Variants in RIMS1 observed in about 807,000 individuals in gnomAD.
RIMS1 encodes the protein regulating synaptic membrane exocytosis protein 1.
In RIMS1, 83 loss-of-function variants were observed where a neutral mutation model predicts 214.1. That is an observed-to-expected ratio of 0.39 (90% CI 0.32 to 0.47). The LOEUF (loss-of-function observed/expected upper bound fraction) is 0.47. Ranked by LOEUF, RIMS1 falls within the 20% of genes least tolerant of loss-of-function variation. The pLI is 0.99. For missense variants in RIMS1, 2,050 were observed against 2,161.8 expected (o/e 0.95, Z 1.03); for synonymous variants, 793 against 786.8 (o/e 1.01, Z -0.13).
intron 6 of RIMS1, among the ~76,000 whole-genome samples, chr6:72,189,522 C>G (rs755363504): frequency 6.6e-6 from 1 of 152,250 alleles, no homozygotes; most frequent in Non-Finnish European, 1.5e-5. Context: ...GAGTAAGTGT[C>G]TGTTCCAGTA....
intron 1 of RIMS1, among the ~76,000 whole-genome samples, chr6:71,890,725 C>A (rs1769556041): frequency 6.6e-6 from 1 of 151,926 alleles, no homozygotes; most frequent in South Asian, 2.1e-4. Flanking sequence ...ATTTATTGAA[C>A]ATTAACCTCA....
Position 72,313,549 on chromosome 6 carries a change from C to G in RIMS1, c.4007C>G (p.Ser1336Cys), listed in dbSNP as rs1261478393. The G allele has an allele frequency of 1.2e-6, 2 of 1,613,802 alleles. No individual in the cohort carries two copies. The highest frequency in any genetic ancestry group is 1.7e-5 in the Admixed American group (1 of 59,982). ...KDQYRSCDNV[S>C]AKSSDSDVSD... ...CAGTACAGAAGCTGTGATAACGTCTCTGCCAAATCATCAGATAGTGATGTC... is the reference window on the plus strand; with the variant it reads ...CAGTACAGAAGCTGTGATAACGTCTGTGCCAAATCATCAGATAGTGATGTC... Residue 1336 changes from serine to cysteine, a missense_variant, in exon 28 of 34, where the codon TCT becomes TGT. Around this residue, in one of 6 missense-constraint regions of RIMS1, gnomAD observed 889 missense variants for 885.5 expected, o/e 1.00. Transcript: ENST00000521978.
intron 29 of RIMS1, among the ~76,000 whole-genome samples, chr6:72,377,128 C>G (rs2098404428): frequency 6.6e-6 from 1 of 152,160 alleles, no homozygotes; most frequent in African/African-American, 2.4e-5. Context: ...ATTTAGAATT[C>G]TCAGGCTCTC....
intron 1 of RIMS1, among the ~76,000 whole-genome samples, chr6:71,934,487 T>A (rs750912335): frequency 6.6e-6 from 1 of 152,226 alleles, no homozygotes; most frequent in Non-Finnish European, 1.5e-5. Context: ...TGTTTTTAGG[T>A]TGTAATGTTA....
chr6:72,373,004 G>T (rs1220673687), intron 29 of RIMS1, among the ~76,000 whole-genome samples: 4 of 152,174 alleles, frequency 2.6e-5, no homozygotes, highest in Non-Finnish European at 5.9e-5. Flanking sequence ...TTTATCTACA[G>T]TAAAGGTCAA....
chr6:72,183,107 T>G lies in RIMS1; in HGVS notation c.1636T>G (p.Cys546Gly). 1 of 1,591,632 alleles carries G rather than the reference T, an allele frequency of 6.3e-7. No individual in the cohort carries two copies. Among genetic ancestry groups the G allele is most frequent in the East Asian group, 2.3e-5 (1 of 43,912 alleles). Residue 546 changes from cysteine (C) to glycine (G), a missense_variant, in exon 6 of 34, where the codon TGC (cysteine) becomes GGC (glycine). By Grantham distance (159) the Cys-to-Gly change is radical. Around this residue, in one of 6 missense-constraint regions of RIMS1, gnomAD observed 882 missense variants for 828.9 expected, o/e 1.06. Coordinates refer to ENST00000521978, the MANE Select transcript of RIMS1 (RefSeq NM_014989.7). ...EGVSTPEYTS[C>G]EDVELESESV... The stretch of plus-strand genomic sequence containing the variant: ...CGTGTCGACGCCCGAGTACACCAGC[T>G]GCGAGGACGTGGAGCTGGAGAGCGA...
chr6:71,887,458 CG>C (rs1444030341), intron 1 of RIMS1, among the ~76,000 whole-genome samples: 1 of 151,950 alleles, frequency 6.6e-6, no homozygotes, highest in Non-Finnish European at 1.5e-5. Context: ...GATGGGTGGA[CG>C]GGGGCCACGC....
At chr6:71,971,088 C>T (rs1795734701) in intron 2 of RIMS1, among the ~76,000 whole-genome samples, 1 of 151,972 alleles carries the variant, frequency 6.6e-6, no homozygotes, top group South Asian at 2.1e-4. Flanking sequence ...TAGGACAGAA[C>T]TTAGATTTCT....
chr6:72,145,389 T>C (rs993839512), intron 4 of RIMS1, among the ~76,000 whole-genome samples: 1 of 152,056 alleles, frequency 6.6e-6, no homozygotes, highest in Non-Finnish European at 1.5e-5. Flanking sequence ...CTGAGGCAGG[T>C]GGTCCACAAG....
chr6:71,973,947 C>T (rs1796526158), intron 2 of RIMS1, among the ~76,000 whole-genome samples: 1 of 151,518 alleles, frequency 6.6e-6, no homozygotes. Flanking sequence ...GTAGATAGAG[C>T]AAGGGGGCAC....
chr6:72,277,081 A>G (rs2086836686), intron 23 of RIMS1, among the ~76,000 whole-genome samples: 1 of 152,212 alleles, frequency 6.6e-6, no homozygotes, highest in Non-Finnish European at 1.5e-5. Flanking sequence ...CAGAACGTAA[A>G]TTATTCCTTA....
intron 5 of RIMS1, 45 bp downstream of exon 5, chr6:72,179,960 G>A: frequency 1.6e-6 from 2 of 1,271,594 alleles, no homozygotes; most frequent in Admixed American, 3.0e-5. Context: ...GATTTTGCTA[G>A]GAGAGCAAAG....
chr6:72,009,025 T>C (rs1809114285), intron 2 of RIMS1, among the ~76,000 whole-genome samples: 1 of 152,202 alleles, frequency 6.6e-6, no homozygotes, highest in Non-Finnish European at 1.5e-5. Flanking sequence ...ATATACATTC[T>C]TCTCAGCACC....
At chr6:72,034,128 A>G (rs1428012416) in intron 2 of RIMS1, among the ~76,000 whole-genome samples, 2 of 152,148 alleles carry the variant, frequency 1.3e-5, no homozygotes, top group African/African-American at 4.8e-5. Flanking sequence ...TGAGTGATTC[A>G]TTTACTGGTA....
At chr6:72,152,763 AATATATGTAT>A (rs1170677412) in intron 4 of RIMS1, among the ~76,000 whole-genome samples, 2 of 132,516 alleles carry the variant, frequency 1.5e-5, no homozygotes, top group Non-Finnish European at 3.1e-5. Flanking sequence ...ATATATATGG[AATATATGTAT>A]ATATATGTAT....
intron 2 of RIMS1, among the ~76,000 whole-genome samples, chr6:71,973,917 T>G (rs1225849218): frequency 6.6e-6 from 1 of 152,012 alleles, no homozygotes; most frequent in Admixed American, 6.6e-5. Context: ...GTTTTCCTCA[T>G]GGAGTTCTAA....
At chr6:71,959,830 C>T (rs9446515) in intron 1 of RIMS1, among the ~76,000 whole-genome samples, 1,844 of 152,166 alleles carry the variant, frequency 0.012, 44 homozygotes, top group African/African-American at 0.043. Context: ...AAATGATGAA[C>T]TGTGCTTCTA....
chr6:72,265,864 G>A, intron 21 of RIMS1, 96 bp from the exon 22 acceptor site: 1 of 784,074 alleles, frequency 1.3e-6, no homozygotes, highest in Non-Finnish European at 2.1e-6. Flanking sequence ...TGTGTAAAGG[G>A]GACATTATTT....
intron 4 of RIMS1, among the ~76,000 whole-genome samples, chr6:72,159,890 T>C (rs575770809): frequency 7.1e-6 from 1 of 140,074 alleles, no homozygotes; most frequent in Non-Finnish European, 1.6e-5. Context: ...TTTGGTTCCA[T>C]GTGAACTTTA....
Sources: allele counts gnomAD v4.1 joint callset (sites outside exome capture counted in the v4.1 genomes callset), GRCh38; gene constraint gnomAD v4.1.1; regional missense constraint gnomAD v4.1.1; transcripts MANE v1.5; gene names NCBI Gene and HGNC (gene_info 2026-07-23, HGNC 2026-07-21).